GRM8: variants seen among roughly 807,000 people sequenced by gnomAD.
The protein encoded by GRM8 is metabotropic glutamate receptor 8.
Under a neutral mutation model 87.2 loss-of-function variants are expected in GRM8, and 47 were observed. The ratio of observed to expected loss-of-function variants is 0.54; its 90% CI spans 0.43 to 0.69. The LOEUF (loss-of-function observed/expected upper bound fraction) is 0.69. Ranked by LOEUF, GRM8 falls within the 30% of genes least tolerant of loss-of-function variation. The probability of loss-of-function intolerance (pLI) is 0.00; values close to 1 mark genes in which losing one functional copy is unlikely to be tolerated. For synonymous variants in GRM8, 396 were observed against 404.5 expected (o/e 0.98, Z 0.25); for missense variants, 1,019 against 1,139.2 (o/e 0.89, Z 1.52).
intron 3 of GRM8, among the ~76,000 whole-genome samples, chr7:126,936,773 A>G (rs979878424): frequency 3.3e-5 from 5 of 152,134 alleles, no homozygotes; most frequent in Admixed American, 2.0e-4. Context: ...CAGCAGAGTA[A>G]CAAACAGAAG....
Position 126,585,824 on chromosome 7 carries a change from T to C in GRM8, c.1494+23538A>G, listed in dbSNP as rs182948380. 1.4e-4 allele frequency among the ~76,000 whole-genome samples: 21 copies of C among 152,292 alleles called. No individual in the cohort carries two copies. The East Asian group carries it at 4.1e-3, about 29-fold the overall frequency. ...CTTTTCAACATAGTGTTGGAAGTTA[T>C]GGCCAGGGTAATCAGGCAGGAGAAA... On this transcript the variant is annotated intron_variant, in intron 8 of 10. Transcript: ENST00000339582.
At chr7:126,749,804 T>C (rs112238351) in intron 7 of GRM8, among the ~76,000 whole-genome samples, 3,078 of 151,878 alleles carry the variant, frequency 0.02, 97 homozygotes, top group African/African-American at 0.069. Flanking sequence ...CTCACGAAAA[T>C]AGCTAAAATT....
chr7:126,862,922 T>C (rs774372742), intron 6 of GRM8, among the ~76,000 whole-genome samples: 13 of 152,146 alleles, frequency 8.5e-5, no homozygotes, highest in Non-Finnish European at 1.9e-4. Context: ...TTGTATTTTG[T>C]TAGTAATTTC....
At chr7:126,776,673 T>A (rs1250752860) in intron 6 of GRM8, among the ~76,000 whole-genome samples, 1 of 152,204 alleles carries the variant, frequency 6.6e-6, no homozygotes, top group Non-Finnish European at 1.5e-5. Context: ...TTATGCAATG[T>A]TGCAGTAAAA....
intron 2 of GRM8, among the ~76,000 whole-genome samples, chr7:127,216,883 A>T (rs1168149836): frequency 2.6e-5 from 4 of 152,218 alleles, no homozygotes; most frequent in Non-Finnish European, 4.4e-5. Context: ...GTCTCAGCTT[A>T]AATGAGACAC....
intron 3 of GRM8, among the ~76,000 whole-genome samples, chr7:127,072,083 T>C (rs955809677): frequency 9.9e-5 from 15 of 152,064 alleles, no homozygotes; most frequent in African/African-American, 3.6e-4. Flanking sequence ...GTGAGGTTTA[T>C]GCTGTTTTCA....
Position 127,175,589 on chromosome 7 carries a change from C to T in GRM8, c.510+67106G>A, listed in dbSNP as rs562540017. Reference sequence around the variant, plus strand: ...ACAAAGAGAAAACCTTAGAAGAAGCCAGAAGGAACAAACACTTTACCTATA... The same window carrying T: ...ACAAAGAGAAAACCTTAGAAGAAGCTAGAAGGAACAAACACTTTACCTATA... On this transcript the variant is annotated intron_variant, in intron 2 of 10. Coordinates refer to ENST00000339582, the MANE Select transcript of GRM8 (RefSeq NM_000845.3). 2.6e-5 allele frequency among the ~76,000 whole-genome samples: 4 copies of T among 152,168 alleles called. No homozygotes were observed. The South Asian group carries it at 8.3e-4, about 32-fold the overall frequency.
intron 8 of GRM8, among the ~76,000 whole-genome samples, chr7:126,563,997 A>G (rs920932686): frequency 6.6e-6 from 1 of 152,176 alleles, no homozygotes; most frequent in Non-Finnish European, 1.5e-5. Context: ...TCCAAGGCAA[A>G]AAGTTAGGGT....
intron 7 of GRM8, among the ~76,000 whole-genome samples, chr7:126,702,128 G>A (rs1008583090): frequency 5.3e-4 from 81 of 152,290 alleles, no homozygotes; most frequent in African/African-American, 1.9e-3. Context: ...ATTCGCACAT[G>A]CCAAGTCCTG....
intron 2 of GRM8, among the ~76,000 whole-genome samples, chr7:127,140,529 C>T (rs2133264417): frequency 6.6e-6 from 1 of 152,292 alleles, no homozygotes; most frequent in African/African-American, 2.4e-5. Flanking sequence ...TTCTGTCTAA[C>T]TTCAAGTGCT....
intron 3 of GRM8, among the ~76,000 whole-genome samples, chr7:127,012,734 C>G (rs1815020490): frequency 6.6e-6 from 1 of 152,076 alleles, no homozygotes; most frequent in Non-Finnish European, 1.5e-5. Flanking sequence ...TACCATGAAG[C>G]TATTTTTAAT....
At chr7:126,615,211 G>A (rs1203078695) in intron 7 of GRM8, among the ~76,000 whole-genome samples, 1 of 152,102 alleles carries the variant, frequency 6.6e-6, no homozygotes, top group Admixed American at 6.5e-5. Context: ...GAGAGTGGGG[G>A]CCAATATTCA....
At chr7:126,725,611 A>C (rs1163207384) in intron 7 of GRM8, among the ~76,000 whole-genome samples, 1 of 152,152 alleles carries the variant, frequency 6.6e-6, no homozygotes, top group Non-Finnish European at 1.5e-5. Context: ...GGACATTTAA[A>C]TGTACCTGTG....
intron 3 of GRM8, among the ~76,000 whole-genome samples, chr7:126,955,740 A>AACATTTT (rs1175658675): frequency 6.6e-6 from 1 of 152,174 alleles, no homozygotes; most frequent in Non-Finnish European, 1.5e-5. Flanking sequence ...TCCAGATTCT[A>AACATTTT]ACATTTTAAT....
At chr7:127,197,888 A>G (rs547639822) in intron 2 of GRM8, among the ~76,000 whole-genome samples, 2 of 152,300 alleles carry the variant, frequency 1.3e-5, no homozygotes, top group South Asian at 2.1e-4. Flanking sequence ...GTGATAATAC[A>G]TGTACACCCA....
At chr7:127,123,013 T>C (rs1827172009) in intron 2 of GRM8, among the ~76,000 whole-genome samples, 1 of 152,030 alleles carries the variant, frequency 6.6e-6, no homozygotes, top group African/African-American at 2.4e-5. Context: ...AAAGAAAGAC[T>C]TTTAATCCCC....
At chr7:126,499,659 T>C (rs1809339173) in intron 9 of GRM8, among the ~76,000 whole-genome samples, 1 of 151,952 alleles carries the variant, frequency 6.6e-6, no homozygotes, top group Admixed American at 6.6e-5. Context: ...GGGAGATATG[T>C]TAAGTTAAAT....
chr7:126,748,866 G>A (rs1299359423), intron 7 of GRM8, among the ~76,000 whole-genome samples: 1 of 151,974 alleles, frequency 6.6e-6, no homozygotes, highest in Non-Finnish European at 1.5e-5. Flanking sequence ...TACAACAAAA[G>A]TATAAATATA....
intron 8 of GRM8, among the ~76,000 whole-genome samples, chr7:126,589,930 A>G (rs1796521811): frequency 6.6e-6 from 1 of 152,144 alleles, no homozygotes; most frequent in African/African-American, 2.4e-5. Context: ...CAAATGTAAA[A>G]GAACCAGAAA....
Sources: allele counts gnomAD v4.1 joint callset (sites outside exome capture counted in the v4.1 genomes callset), GRCh38; gene constraint gnomAD v4.1.1; transcripts MANE v1.5; gene names NCBI Gene and HGNC (gene_info 2026-07-23, HGNC 2026-07-21).